The following SPON2 variants were observed in gnomAD, a reference collection of about 807,000 sequenced individuals.
SPON2 encodes spondin-2.
SPON2 carries 32 observed loss-of-function variants against 29.9 expected under a neutral mutation model. The ratio of observed to expected loss-of-function variants is 1.07; its 90% CI spans 0.81 to 1.44. SPON2 has a LOEUF of 1.44. Among genes scored for constraint, SPON2 ranks in the 40% most tolerant of loss-of-function variants. The pLI, the probability that SPON2 is intolerant of heterozygous loss-of-function variation, is 0.00. For synonymous variants in SPON2, 248 were observed against 209.1 expected (o/e 1.19, Z -1.61); for missense variants, 541 against 455.5 (o/e 1.19, Z -1.71).
intron 4 of SPON2, 94 bp downstream of exon 4, chr4:1,170,905 T>C (rs1296546864): frequency 2.7e-6 from 4 of 1,485,496 alleles, no homozygotes; most frequent in Non-Finnish European, 3.7e-6. Flanking sequence ...CAAGCGGCTG[T>C]CCTGGGCTGG....
intron 1 of SPON2, among the ~76,000 whole-genome samples, chr4:1,188,016 A>C (rs1347508442): frequency 2.0e-5 from 3 of 151,924 alleles, no homozygotes; most frequent in African/African-American, 7.3e-5. Context: ...AGCCTGGCCA[A>C]CACGATGAAA....
chr4:1,183,223 CAA>C (rs1727730813), intron 1 of SPON2, among the ~76,000 whole-genome samples: 1 of 93,946 alleles, frequency 1.1e-5, no homozygotes, highest in Non-Finnish European at 2.0e-5. Context: ...ACCTGGGCAA[CAA>C]GAGTGAAACT....
At chr4:1,189,797 G>T (rs1486344441) in intron 1 of SPON2, among the ~76,000 whole-genome samples, 3 of 151,534 alleles carry the variant, frequency 2.0e-5, no homozygotes, top group Non-Finnish European at 2.9e-5. Flanking sequence ...GACCATCCTA[G>T]CTAAGATGGT....
intron 1 of SPON2, among the ~76,000 whole-genome samples, chr4:1,194,449 T>C (rs1431063744): frequency 6.6e-6 from 1 of 152,034 alleles, no homozygotes; most frequent in Non-Finnish European, 1.5e-5. Flanking sequence ...GCGGCTGGCG[T>C]GCCCTGCAGG....
chr4:1,193,120 C>T (rs1298458795), intron 1 of SPON2, among the ~76,000 whole-genome samples: 1 of 152,240 alleles, frequency 6.6e-6, no homozygotes, highest in African/African-American at 2.4e-5. Context: ...ATACACGCCT[C>T]ACACATGGGT....
Position 1,195,004 on chromosome 4 carries a change from T to TTCCAACCCCGCAGCCGGCGTC in SPON2, c.-254_-253insGACGCCGGCTGCGGGGTTGGA, listed in dbSNP as rs1553832752. The TTCCAACCCCGCAGCCGGCGTC allele has an allele frequency of 9.9e-3, 439 of 44,240 alleles. 15 individuals carry two copies. The highest frequency in any genetic ancestry group is 0.016 in the Non-Finnish European group (321 of 20,040). 2.7% of individuals were successfully genotyped at this position (44,240 alleles called of 1,614,324 possible). A position where few individuals can be genotyped will look rare whatever the true frequency, so the allele number is the denominator to read the frequency against. On this transcript the variant is annotated 5_prime_UTR_variant, in exon 1 of 4. Transcript: ENST00000502483. Reference sequence around the variant, plus strand: ...GGCGGCCTCACCTCACAGCCGGCGGTTCCAACCCCGCAGCCGGCGGCTCCA... The same window carrying TTCCAACCCCGCAGCCGGCGTC: ...GGCGGCCTCACCTCACAGCCGGCGGTTCCAACCCCGCAGCCGGCGTCTCCAACCCCGCAGCCGGCGGCTCCA...
At chr4:1,178,161 CG>C (rs1727641021), upstream of SPON2, among the ~76,000 whole-genome samples, 1 of 149,640 alleles carries the variant, frequency 6.7e-6, no homozygotes, top group Non-Finnish European at 1.5e-5. Flanking sequence ...GGCCTCCCTC[CG>C]GCCAGGCACC....
At chr4:1,169,951 C>A in intron 5 of SPON2, 1 of 179,692 alleles carries the variant, frequency 5.6e-6, no homozygotes, top group Non-Finnish European at 1.1e-5. Flanking sequence ...TCATCAGCAC[C>A]TGCCCCGCCC....
At chr4:1,203,558 A>G (rs944319598) in intron 1 of SPON2, among the ~76,000 whole-genome samples, 5 of 152,126 alleles carry the variant, frequency 3.3e-5, no homozygotes, top group African/African-American at 1.2e-4. Context: ...GCTACCAGGA[A>G]CATTTGTGGA....
chr4:1,194,015 A>C (rs1727979308), intron 1 of SPON2, among the ~76,000 whole-genome samples: 1 of 151,780 alleles, frequency 6.6e-6, no homozygotes, highest in Non-Finnish European at 1.5e-5. Flanking sequence ...TGTGGAACCC[A>C]GGGGGGTGCC....
Position 1,171,399 on chromosome 4 carries a change from G to C in SPON2, c.308C>G (p.Ala103Gly), listed in dbSNP as rs1310405209. ...GLRDFAERGE[A>G]WALMKEIEAA... ...CTCGATCTCCTTCATCAGCGCCCAGGCCTCGCCGCGCTCCGCAAAGTCGCG... is the reference window on the plus strand; with the variant it reads ...CTCGATCTCCTTCATCAGCGCCCAGCCCTCGCCGCGCTCCGCAAAGTCGCG... Residue 103 changes from alanine to glycine, a missense_variant, in exon 3 of 6, where the codon GCC becomes GGC. By Grantham distance (60) the Ala-to-Gly change is moderately conservative. Coordinates refer to ENST00000290902, the MANE Select transcript of SPON2 (RefSeq NM_012445.4). 2 of 1,612,190 alleles carry C rather than the reference G, an allele frequency of 1.2e-6. No individual in the cohort carries two copies. The highest frequency in any genetic ancestry group is 3.3e-5 in the Admixed American group (2 of 60,004).
intron 1 of SPON2, among the ~76,000 whole-genome samples, chr4:1,180,685 A>G (rs1210993849): frequency 3.3e-5 from 5 of 152,256 alleles, no homozygotes; most frequent in African/African-American, 1.2e-4. Flanking sequence ...AGTAAAGGAC[A>G]GAAATTATAG....
At chr4:1,205,906 T>A (rs1728328823) in intron 1 of SPON2, among the ~76,000 whole-genome samples, 1 of 151,728 alleles carries the variant, frequency 6.6e-6, no homozygotes, top group African/African-American at 2.4e-5. Context: ...GGCCTGGGGG[T>A]TGGGGCCGCA....
rs1272959235 is a variant in SPON2 at position 1,171,978 on chromosome 4, CT to C, written c.93del (p.Glu32SerfsTer75). 6.2e-7 allele frequency: 1 copy of C among 1,612,842 alleles called. No individual in the cohort carries two copies. Among genetic ancestry groups the C allele is most frequent in the African/African-American group, 1.3e-5 (1 of 74,932 alleles). On this transcript the variant is annotated frameshift_variant, in exon 2 of 6. Coordinates refer to ENST00000290902, the MANE Select transcript of SPON2 (RefSeq NM_012445.4). LOFTEE classifies it high-confidence loss of function. ...TLGAAGQPLG[G>X]ESICSARALA... ...AGGGCTCTGGCGGAACAGATGGACT[CT>C]CCCCCAAGAGGCTGGCCGGCGGCGC...
Position 1,171,483 on chromosome 4 carries a change from G to A in SPON2, c.224C>T (p.Ala75Val). The change falls in exon 3 of 6, where the codon GCC becomes GTC. Residue 75 changes from alanine (A) to valine (V), a missense_variant. Transcript: ENST00000290902. ...CATGCTGTAGTCGGAGCTATGCGCG[G>A]CCCCTGCAGGACCACCCGGCCGCGC... is the stretch of plus-strand genomic sequence containing the variant. ...PPAQWSSLLG[A>V]AHSSDYSMWR... The A allele has an allele frequency of 1.9e-6, 3 of 1,610,834 alleles. No individual in the cohort carries two copies. Among genetic ancestry groups the A allele is most frequent in the Non-Finnish European group, 2.5e-6 (3 of 1,178,822 alleles).
rs11934316 is a variant in SPON2, at chr4:1,190,335, A to G, written c.-239+4655T>C. 6.5e-3 allele frequency among the ~76,000 whole-genome samples: 996 copies of G among 152,182 alleles called. 9 individuals carry two copies. Among genetic ancestry groups the G allele is most frequent in the African/African-American group, 0.021 (891 of 41,536 alleles). On this transcript the variant is annotated intron_variant, in intron 1 of 3. Transcript: ENST00000502483. The stretch of plus-strand genomic sequence containing the variant: ...AACTTCCCACAAAGAAAAGCCCAGG[A>G]TGAGATGGCTTCCCTGGTGAATTTT...
upstream of SPON2, among the ~76,000 whole-genome samples, chr4:1,197,791 G>A (rs1270726860): frequency 6.6e-6 from 1 of 152,206 alleles, no homozygotes; most frequent in African/African-American, 2.4e-5. Flanking sequence ...GCTCACGCCT[G>A]TAATGCTTAC....
intron 5 of SPON2, among the ~76,000 whole-genome samples, chr4:1,169,183 C>T (rs1253918416): frequency 1.3e-5 from 2 of 152,008 alleles, no homozygotes; most frequent in African/African-American, 2.4e-5. Flanking sequence ...CACTGTGGCC[C>T]AGTGCCCCCA....
upstream of SPON2, among the ~76,000 whole-genome samples, chr4:1,195,506 G>T (rs1728047209): frequency 6.8e-6 from 1 of 146,254 alleles, no homozygotes; most frequent in Non-Finnish European, 1.5e-5. Context: ...GCCTCTCCAG[G>T]CACAGCTCGA....
Sources: gnomAD v4.1 joint callset for allele counts (sites outside exome capture counted in the v4.1 genomes callset) on GRCh38, gnomAD v4.1.1 for gene constraint, MANE v1.5 for transcripts, NCBI Gene and HGNC (gene_info 2026-07-23, HGNC 2026-07-21) for gene names.